The following RASGRF1 variants were observed in gnomAD, a reference collection of about 807,000 sequenced individuals.
RASGRF1 encodes the protein ras-specific guanine nucleotide-releasing factor 1.
A neutral mutation model predicts 138.7 loss-of-function variants in RASGRF1; 40 were observed. The observed-to-expected ratio is 0.29, with a 90% CI of 0.22 to 0.38. RASGRF1 has a LOEUF of 0.38. Among genes scored for constraint, RASGRF1 ranks in the 10% least tolerant of loss-of-function variants. The probability of loss-of-function intolerance (pLI) is 1.00; values close to 1 mark genes in which losing one functional copy is unlikely to be tolerated. For synonymous variants in RASGRF1, 614 were observed against 663.2 expected, an observed-to-expected ratio of 0.93 and a Z score of 1.14; for missense variants, 1,108 against 1,650.4, an observed-to-expected ratio of 0.67 and a Z score of 5.69.
chr15:79,017,930 T>G, intron 11 of RASGRF1, 24 bp from the exon 12 acceptor site: 1 of 1,611,682 alleles, frequency 6.2e-7, no homozygotes, highest in Non-Finnish European at 8.5e-7. Context: ...AACATAAAGT[T>G]AGCAGCATGA....
chr15:79,040,964 G>A (rs2057290067), intron 5 of RASGRF1, among the ~76,000 whole-genome samples: 1 of 152,138 alleles, frequency 6.6e-6, no homozygotes, highest in African/African-American at 2.4e-5. Context: ...TCAGACAGTG[G>A]TCTCCCTGTG....
chr15:79,001,596 C>T (rs565694852), intron 16 of RASGRF1, 66 bp downstream of exon 16: 30 of 1,545,362 alleles, frequency 1.9e-5, no homozygotes, highest in Middle Eastern at 1.7e-4. Flanking sequence ...TGCCTTGACT[C>T]GACTTGACCT....
At chr15:79,029,500 A>G (rs1348458184) in intron 8 of RASGRF1, among the ~76,000 whole-genome samples, 2 of 152,098 alleles carry the variant, frequency 1.3e-5, no homozygotes. Flanking sequence ...TGGGACCCAT[A>G]TGCGCACACA....
intron 1 of RASGRF1, among the ~76,000 whole-genome samples, chr15:79,084,570 C>T (rs765906273): frequency 3.3e-5 from 5 of 152,212 alleles, no homozygotes; most frequent in Non-Finnish European, 5.9e-5. Flanking sequence ...CTGCACATGC[C>T]GTTTTGTTCG....
chr15:78,998,088 G>A lies in RASGRF1; in HGVS notation c.2966+8C>T, dbSNP rs766596625. ...AGTTCTGAGCCAGGAACCAGGTACT[G>A]CCTTTACCTGATGATGTTGGCTGCA... On this transcript the variant is annotated splice_region_variant and intron_variant, in intron 19 of 26. Transcript: ENST00000558480. The A allele has an allele frequency of 1.9e-6, 3 of 1,608,774 alleles. No individual in the cohort carries two copies. Among genetic ancestry groups the A allele is most frequent in the African/African-American group, 2.7e-5 (2 of 74,810 alleles).
chr15:78,979,343 C>CCTTG, intron 24 of RASGRF1: 1 of 486,058 alleles, frequency 2.1e-6, no homozygotes. Context: ...CTGTCAAAGC[C>CCTTG]ACTGTCAAGG....
At chr15:79,081,499 T>C (rs1595977080) in intron 1 of RASGRF1, among the ~76,000 whole-genome samples, 1 of 152,218 alleles carries the variant, frequency 6.6e-6, no homozygotes, top group Non-Finnish European at 1.5e-5. Flanking sequence ...GGCTCTGCAC[T>C]GGGCCTGGGA....
chr15:79,032,408 G>T lies in RASGRF1; in HGVS notation c.959-92C>A, dbSNP rs2057154117. On this transcript the variant is annotated intron_variant, in intron 6 of 26. Transcript: ENST00000558480. The surrounding 1 kb of genome is among the most constrained non-coding windows in gnomAD (Gnocchi z 4.5). Reference sequence around the variant, plus strand: ...TGGCTCCCCCAGCTACACCCAGAGAGGCCAGGGGCCAGGTTCAAGTTCCCC... The same window carrying T: ...TGGCTCCCCCAGCTACACCCAGAGATGCCAGGGGCCAGGTTCAAGTTCCCC... 1 of 1,254,100 alleles carries T rather than the reference G, an allele frequency of 8.0e-7. No individual in the cohort carries two copies. The highest frequency in any genetic ancestry group is 1.1e-6 in the Non-Finnish European group (1 of 892,632). The allele number at this position is 1,254,100 out of a possible 1,614,324, so 77.7% of individuals were successfully genotyped here.
Position 79,064,569 on chromosome 15 carries a change from G to A in RASGRF1, c.277-43C>T, listed in dbSNP as rs748646323. On this transcript the variant is annotated intron_variant, in intron 1 of 26. Transcript: ENST00000558480. ...CATCTCCAATTACCAGAGTGTCCAT[G>A]GGACCAACAACGACTCTTGCAATCA... 7.6e-6 allele frequency: 12 copies of A among 1,576,510 alleles called. No individual in the cohort carries two copies. In the South Asian group the frequency reaches 1.0e-4, roughly 13 times the overall value.
At chr15:79,085,624 C>T (rs1209301625) in intron 1 of RASGRF1, among the ~76,000 whole-genome samples, 1 of 152,092 alleles carries the variant, frequency 6.6e-6, no homozygotes, top group African/African-American at 2.4e-5. Context: ...AACAGAATAG[C>T]TACAATAAGT....
In RASGRF1 at chr15:78,990,242, C is replaced by G. The variant is rs758483939; in HGVS notation, c.3163G>C (p.Glu1055Gln). 6.2e-7 allele frequency: 1 copy of G among 1,609,654 alleles called. No individual in the cohort carries two copies. The highest frequency in any genetic ancestry group is 8.5e-7 in the Non-Finnish European group (1 of 1,175,872). The change falls in exon 22 of 27, where the codon GAA becomes CAA. Residue 1055 changes from glutamate to glutamine, a missense_variant. Glu to Gln is a conservative substitution (Grantham distance 29, BLOSUM62 2). Transcript: ENST00000558480. ...ATATAAGGGGTCCTTTCATTCTTTT[C>G]CAGTTTCATCCATCCTTGTCCGAAG... The part of the protein sequence containing the change: ...EFFGQGWMKL[E>Q]KNERTPYIMK...
rs868276742 is a variant in RASGRF1 at position 79,027,925 on chromosome 15, C to T, written c.1263-66G>A. On this transcript the variant is annotated intron_variant, in intron 8 of 26. Coordinates refer to ENST00000558480, the MANE Select transcript of RASGRF1 (RefSeq NM_001145648.3). The surrounding 1 kb of genome is among the most constrained non-coding windows in gnomAD (Gnocchi z 4.8). ...CCTACTTCCCAGGGAGGCGAGAATGCCAGGCTTCTGGCCAGACCTAGGAAG... is the reference window on the plus strand; with the variant it reads ...CCTACTTCCCAGGGAGGCGAGAATGTCAGGCTTCTGGCCAGACCTAGGAAG... 117 of 1,524,524 alleles carry T rather than the reference C, an allele frequency of 7.7e-5. No homozygotes were observed. In the Middle Eastern group the frequency reaches 1.4e-3, roughly 18 times the overall value. The allele number at this position is 1,524,524 out of a possible 1,614,324, so 94.4% of individuals were successfully genotyped here.
At chr15:79,086,020 C>G (rs186631901) in intron 1 of RASGRF1, among the ~76,000 whole-genome samples, 25 of 152,320 alleles carry the variant, frequency 1.6e-4, no homozygotes, top group Admixed American at 1.4e-3. Context: ...CAACTTCATT[C>G]CAACTCTAGG....
chr15:78,977,089 T>A (rs1243851377), intron 24 of RASGRF1, among the ~76,000 whole-genome samples: 1 of 152,176 alleles, frequency 6.6e-6, no homozygotes, highest in Non-Finnish European at 1.5e-5. Flanking sequence ...AGGGAGATTA[T>A]GGGGGACCAG....
chr15:79,053,768 T>A (rs1287931623), intron 3 of RASGRF1, among the ~76,000 whole-genome samples: 1 of 152,206 alleles, frequency 6.6e-6, no homozygotes, highest in Non-Finnish European at 1.5e-5. Context: ...GCTGGCTTCA[T>A]GGATGTGTGG....
chr15:79,071,505 G>A (rs1451300210), intron 1 of RASGRF1, among the ~76,000 whole-genome samples: 2 of 151,276 alleles, frequency 1.3e-5, no homozygotes, highest in Non-Finnish European at 2.9e-5. Flanking sequence ...GACTACAGGT[G>A]TGCGCCGCCA....
chr15:79,027,635 G>C lies in RASGRF1; in HGVS notation c.1381+106C>G. ...TTCTGCAATCACATTGGCAGGTCTT[G>C]GCATGTGGCAGCCAAACCAACTGGT... On this transcript the variant is annotated intron_variant, in intron 9 of 26. Coordinates refer to ENST00000558480, the MANE Select transcript of RASGRF1 (RefSeq NM_001145648.3). This position sits in a 1 kb window ranked among gnomAD's most constrained non-coding sequence, Gnocchi z 4.8. 1.1e-6 allele frequency: 1 copy of C among 949,842 alleles called. No homozygotes were observed. 58.8% of individuals were successfully genotyped at this position (949,842 alleles called of 1,614,324 possible).
rs72732662 is a variant in RASGRF1 at position 79,050,025 on chromosome 15, A to T, written c.532-437T>A. Among the ~76,000 whole-genome samples the T allele has an allele frequency of 0.1, 15,639 of 152,230 alleles. 885 individuals carry two copies. The highest frequency in any genetic ancestry group is 0.16 in the Middle Eastern group (48 of 294). On this transcript the variant is annotated intron_variant, in intron 3 of 26. Transcript: ENST00000558480. The surrounding 1 kb of genome is among the most constrained non-coding windows in gnomAD (Gnocchi z 4.1). ...ACATATTAAAATTTACCATTTTAAC[A>T]ATTTTTAAGGGTATGGTTCAGTGGC...
At chr15:79,059,132 TTCC>T (rs201515913) in intron 2 of RASGRF1, among the ~76,000 whole-genome samples, 1,948 of 151,176 alleles carry the variant, frequency 0.013, 16 homozygotes, top group Non-Finnish European at 0.018. Context: ...TTTCCTCTCC[TTCC>T]TCCTTTCTTT....
Sources: allele counts gnomAD v4.1 joint callset (sites outside exome capture counted in the v4.1 genomes callset), GRCh38; gene constraint gnomAD v4.1.1; non-coding constraint Gnocchi (gnomAD v3.1); transcripts MANE v1.5; gene names NCBI Gene and HGNC (gene_info 2026-07-23, HGNC 2026-07-21).